NAALADL2: variants seen among roughly 807,000 people sequenced by gnomAD.
NAALADL2 encodes the protein N-acetylated alpha-linked acidic dipeptidase like 2.
In NAALADL2, 76 loss-of-function variants were observed where a neutral mutation model predicts 87.2. That is an observed-to-expected ratio of 0.87 (90% CI 0.72 to 1.05). The LOEUF (loss-of-function observed/expected upper bound fraction) is 1.05, where lower values mean the gene tolerates loss of function less well. Among genes scored for constraint, NAALADL2 ranks in the 50% least tolerant of loss-of-function variants. NAALADL2 has a pLI of 0.00. For missense variants in NAALADL2, 1,089 were observed against 945.8 expected (o/e 1.15, Z -1.99); for synonymous variants, 354 against 331.0 (o/e 1.07, Z -0.75).
At chr3:174,842,032 G>A (rs766540005) in intron 3 of NAALADL2, among the ~76,000 whole-genome samples, 1 of 149,200 alleles carries the variant, frequency 6.7e-6, no homozygotes, top group Non-Finnish European at 1.5e-5. Flanking sequence ...TTCCATGATC[G>A]TGTTAAATGT....
At chr3:175,398,479 T>A (rs1770125082) in intron 5 of NAALADL2, among the ~76,000 whole-genome samples, 1 of 151,978 alleles carries the variant, frequency 6.6e-6, no homozygotes, top group Admixed American at 6.6e-5. Context: ...TGTATTGTTT[T>A]CAAACTCTGT....
At chr3:174,618,123 T>C (rs1720651326) in intron 2 of NAALADL2, among the ~76,000 whole-genome samples, 1 of 151,758 alleles carries the variant, frequency 6.6e-6, no homozygotes, top group Non-Finnish European at 1.5e-5. Context: ...ATGTAACAGA[T>C]AGTAACTCAA....
intron 1 of NAALADL2, among the ~76,000 whole-genome samples, chr3:175,013,039 TAATATATAC>T (rs1750077294): frequency 8.5e-6 from 1 of 117,198 alleles, no homozygotes; most frequent in African/African-American, 3.3e-5. Context: ...TATAAATATA[TAATATATAC>T]ATAAATATAT....
At chr3:175,769,633 A>G (rs1213776075) in intron 13 of NAALADL2, among the ~76,000 whole-genome samples, 1 of 152,214 alleles carries the variant, frequency 6.6e-6, no homozygotes, top group South Asian at 2.1e-4. Flanking sequence ...ATTAGAAATG[A>G]TGTGGTCTTT....
intron 11 of NAALADL2, among the ~76,000 whole-genome samples, chr3:175,691,847 G>T (rs1737087625): frequency 6.6e-6 from 1 of 152,110 alleles, no homozygotes; most frequent in African/African-American, 2.4e-5. Flanking sequence ...TAATTTAAAA[G>T]TTTTTCTTAT....
intron 1 of NAALADL2, among the ~76,000 whole-genome samples, chr3:175,054,354 G>A (rs1489644032): frequency 6.6e-6 from 1 of 152,164 alleles, no homozygotes; most frequent in African/African-American, 2.4e-5. Flanking sequence ...TAAAGAAACA[G>A]TCTTTTAAAT....
intron 9 of NAALADL2, among the ~76,000 whole-genome samples, chr3:175,569,598 A>G (rs1349151616): frequency 6.6e-6 from 1 of 152,080 alleles, no homozygotes; most frequent in African/African-American, 2.4e-5. Context: ...ATGCCCTTAT[A>G]AAAAGAGAGG....
chr3:175,791,772 T>C (rs963281095), intron 13 of NAALADL2, among the ~76,000 whole-genome samples: 2 of 151,718 alleles, frequency 1.3e-5, no homozygotes, highest in Non-Finnish European at 2.9e-5. Flanking sequence ...ATATATACAG[T>C]ATATTTTTTC....
At chr3:174,768,533 T>A (rs1002096947) in intron 3 of NAALADL2, among the ~76,000 whole-genome samples, 4 of 152,200 alleles carry the variant, frequency 2.6e-5, no homozygotes, top group Admixed American at 6.5e-5. Context: ...TCAAATGACA[T>A]GCTAAGTTGT....
chr3:175,051,885 C>T (rs918289306), intron 1 of NAALADL2, among the ~76,000 whole-genome samples: 5 of 152,076 alleles, frequency 3.3e-5, no homozygotes, highest in African/African-American at 9.7e-5. Context: ...GGAAGCCTAA[C>T]GAAAGCAGAA....
chr3:175,541,022 T>C (rs1180709510), intron 9 of NAALADL2, among the ~76,000 whole-genome samples: 1 of 151,984 alleles, frequency 6.6e-6, no homozygotes, highest in Non-Finnish European at 1.5e-5. Context: ...AATAGTGAAA[T>C]AGAAAATCAC....
intron 1 of NAALADL2, among the ~76,000 whole-genome samples, chr3:174,957,818 T>A (rs1209224704): frequency 6.6e-6 from 1 of 151,992 alleles, no homozygotes; most frequent in Non-Finnish European, 1.5e-5. Context: ...TGAGGCTCAG[T>A]GTGTCTAAAT....
At chr3:174,938,088 C>T (rs1325315953) in intron 1 of NAALADL2, among the ~76,000 whole-genome samples, 3 of 151,960 alleles carry the variant, frequency 2.0e-5, no homozygotes, top group African/African-American at 7.2e-5. Context: ...AAACTCCCGT[C>T]ACAGGGCTTC....
At chr3:174,850,674 C>T (rs975902406) in intron 3 of NAALADL2, among the ~76,000 whole-genome samples, 10 of 152,074 alleles carry the variant, frequency 6.6e-5, no homozygotes, top group African/African-American at 2.4e-4. Flanking sequence ...TAGCTGTGGA[C>T]TTCAACACAC....
chr3:175,148,085 GATAATGATAATAATAATA>G (rs1365615028), intron 2 of NAALADL2, among the ~76,000 whole-genome samples: 11 of 110,344 alleles, frequency 1.0e-4, no homozygotes, highest in East Asian at 2.6e-4. Context: ...TAATAATAAT[GATAATGATAATAATAATA>G]ATAATAATAA....
At chr3:175,536,351 C>G (rs1435743486) in intron 9 of NAALADL2, among the ~76,000 whole-genome samples, 4 of 152,120 alleles carry the variant, frequency 2.6e-5, no homozygotes, top group Admixed American at 6.6e-5. Context: ...TGATCATAAG[C>G]AGGTTACCTA....
Position 174,893,090 on chromosome 3 carries a change from T to A in NAALADL2, c.43+33640T>A, listed in dbSNP as rs200898431. Among the ~76,000 whole-genome samples the A allele has an allele frequency of 2.0e-4, 30 of 152,192 alleles. No individual in the cohort carries two copies. In the East Asian group the frequency reaches 4.5e-3, roughly 23 times the overall value. ...ACAATAACTTAAAGTGGACCTCCAA[T>A]ATGTCTGGCAGCAGACTCTTCAGTG... On this transcript the variant is annotated intron_variant, in intron 1 of 13. Coordinates refer to ENST00000454872, the MANE Select transcript of NAALADL2 (RefSeq NM_207015.3).
chr3:174,668,069 T>C (rs1282314860), intron 2 of NAALADL2, among the ~76,000 whole-genome samples: 2 of 152,104 alleles, frequency 1.3e-5, no homozygotes, highest in African/African-American at 2.4e-5. Context: ...CTAGTAGGTG[T>C]GAGGTGATAT....
intron 2 of NAALADL2, among the ~76,000 whole-genome samples, chr3:174,622,718 C>T (rs1295835843): frequency 6.6e-6 from 1 of 151,978 alleles, no homozygotes; most frequent in Admixed American, 6.6e-5. Context: ...CTGATTTATC[C>T]ATATTTTAAG....
Sources: allele counts gnomAD v4.1 joint callset (sites outside exome capture counted in the v4.1 genomes callset), GRCh38; gene constraint gnomAD v4.1.1; transcripts MANE v1.5; gene names NCBI Gene and HGNC (gene_info 2026-07-23, HGNC 2026-07-21).